PCDH9: variants seen among roughly 807,000 people sequenced by gnomAD.
The protein encoded by PCDH9 is protocadherin 9.
Under a neutral mutation model 70.6 loss-of-function variants are expected in PCDH9, and 24 were observed. The observed-to-expected ratio is 0.34, with a 90% CI of 0.25 to 0.48. PCDH9 has a LOEUF of 0.48. Among genes scored for constraint, PCDH9 ranks in the 20% least tolerant of loss-of-function variants. The pLI is 0.99. For synonymous variants in PCDH9, 562 were observed against 558.5 expected (o/e 1.01, Z -0.09); for missense variants, 1,281 against 1,503.6 (o/e 0.85, Z 2.45).
At chr13:67,157,437 AG>A (rs1286289202) in intron 2 of PCDH9, among the ~76,000 whole-genome samples, 3 of 152,228 alleles carry the variant, frequency 2.0e-5, no homozygotes, top group Non-Finnish European at 4.4e-5. Context: ...AATTATACTA[AG>A]GGCAAGTTTA....
At chr13:66,988,761 G>A (rs574654518) in intron 2 of PCDH9, among the ~76,000 whole-genome samples, 9 of 152,016 alleles carry the variant, frequency 5.9e-5, no homozygotes, top group East Asian at 3.9e-4. Flanking sequence ...AGAAATGAAC[G>A]TCTAGAACTA....
intron 4 of PCDH9, among the ~76,000 whole-genome samples, chr13:66,426,761 T>A (rs971123105): frequency 2.6e-5 from 4 of 151,738 alleles, no homozygotes; most frequent in Admixed American, 2.6e-4. Context: ...GAAACATGCA[T>A]CCTTTACTAT....
At chr13:66,664,218 C>T (rs1163037413) in intron 3 of PCDH9, among the ~76,000 whole-genome samples, 1 of 152,212 alleles carries the variant, frequency 6.6e-6, no homozygotes, top group African/African-American at 2.4e-5. Flanking sequence ...TGCCTACTTA[C>T]ACAATTATGC....
chr13:66,388,152 A>G (rs1395440898), intron 4 of PCDH9, among the ~76,000 whole-genome samples: 2 of 152,168 alleles, frequency 1.3e-5, no homozygotes, highest in African/African-American at 4.8e-5. Context: ...CAAAGTAAAG[A>G]TATATTTCCC....
chr13:66,658,259 G>C (rs1026658034), intron 3 of PCDH9, among the ~76,000 whole-genome samples: 1 of 152,068 alleles, frequency 6.6e-6, no homozygotes, highest in Non-Finnish European at 1.5e-5. Flanking sequence ...ATTACTTTGA[G>C]ATATGTTTAA....
chr13:67,209,929 A>G (rs1265820137), intron 2 of PCDH9: 1 of 152,124 alleles, frequency 6.6e-6, no homozygotes, highest in Non-Finnish European at 1.5e-5. Context: ...GAAACTGCCT[A>G]TAAAATCAGT....
At chr13:66,318,808 C>T (rs1345819842) in intron 4 of PCDH9, among the ~76,000 whole-genome samples, 1 of 151,992 alleles carries the variant, frequency 6.6e-6, no homozygotes, top group Non-Finnish European at 1.5e-5. Context: ...ATTTGCTTTC[C>T]CTTAACAATT....
intron 3 of PCDH9, among the ~76,000 whole-genome samples, chr13:66,759,708 G>C (rs897706373): frequency 3.0e-5 from 2 of 66,554 alleles, no homozygotes; most frequent in Admixed American, 1.7e-4. Context: ...ACATTTTATA[G>C]CTTATAAAAA....
At position 66,717,468 on chromosome 13, in the gene PCDH9, AAAAAAAAAAAAAATATATATATATAT is replaced by A. The variant is rs1345562334; in HGVS notation, c.3139-86083_3139-86058del. ...CTCTGTCTCAAAAAAAAAAAAAAAA[AAAAAAAAAAAAAATATATATATATAT>A]ATATATATATATATGTATATATGTA... On this transcript the variant is annotated intron_variant, in intron 3 of 4. Transcript: ENST00000377865. Among the ~76,000 whole-genome samples, 240 of 37,172 alleles carry A rather than the reference AAAAAAAAAAAAAATATATATATATAT, an allele frequency of 6.5e-3. 2 individuals carry two copies. Among genetic ancestry groups the A allele is most frequent in the Admixed American group, 0.012 (21 of 1,772 alleles). 24.4% of individuals were successfully genotyped at this position (37,172 alleles called of 152,430 possible).
chr13:66,768,367 T>C (rs557165506), intron 3 of PCDH9, among the ~76,000 whole-genome samples: 2 of 152,190 alleles, frequency 1.3e-5, no homozygotes, highest in Admixed American at 1.3e-4. Flanking sequence ...GCTTTTGAGG[T>C]AATCCAGTTC....
intron 4 of PCDH9, among the ~76,000 whole-genome samples, chr13:66,573,977 C>T (rs899457861): frequency 6.6e-6 from 1 of 152,104 alleles, no homozygotes; most frequent in African/African-American, 2.4e-5. Context: ...CATAGTAGGT[C>T]CATAAAATCC....
intron 2 of PCDH9, among the ~76,000 whole-genome samples, chr13:67,101,794 T>C (rs1226651989): frequency 6.6e-6 from 1 of 151,940 alleles, no homozygotes; most frequent in Non-Finnish European, 1.5e-5. Flanking sequence ...TCAAGTGACA[T>C]TGAGAAGAGG....
chr13:66,501,373 T>C (rs918193608), intron 4 of PCDH9, among the ~76,000 whole-genome samples: 3 of 152,134 alleles, frequency 2.0e-5, no homozygotes, highest in African/African-American at 7.2e-5. Flanking sequence ...GAATCATCAT[T>C]AAACATTTTG....
chr13:66,934,839 G>C (rs1275355624), intron 2 of PCDH9, among the ~76,000 whole-genome samples: 2 of 133,730 alleles, frequency 1.5e-5, no homozygotes, highest in African/African-American at 5.5e-5. Flanking sequence ...TCCTGCCTCA[G>C]CCTCCCGAGT....
chr13:66,699,733 C>T (rs764622736), intron 3 of PCDH9, among the ~76,000 whole-genome samples: 4 of 152,164 alleles, frequency 2.6e-5, no homozygotes, highest in African/African-American at 7.2e-5. Context: ...ATAAATTTCT[C>T]GCAATAAATT....
At chr13:66,335,128 A>G (rs1423367172) in intron 4 of PCDH9, among the ~76,000 whole-genome samples, 1 of 152,140 alleles carries the variant, frequency 6.6e-6, no homozygotes, top group Non-Finnish European at 1.5e-5. Flanking sequence ...CATACACTAC[A>G]GAAATCCTTA....
At chr13:66,370,864 G>C (rs1392668048) in intron 4 of PCDH9, among the ~76,000 whole-genome samples, 1 of 151,872 alleles carries the variant, frequency 6.6e-6, no homozygotes, top group Non-Finnish European at 1.5e-5. Context: ...TTTACCTAGT[G>C]TCTATTATGA....
chr13:66,376,186 A>T lies in PCDH9; in HGVS notation c.3341-71158T>A, dbSNP rs974631055. 3.3e-5 allele frequency among the ~76,000 whole-genome samples: 5 copies of T among 152,112 alleles called. No individual in the cohort carries two copies. In the South Asian group the frequency reaches 1.0e-3, roughly 32 times the overall value. The stretch of plus-strand genomic sequence containing the variant: ...AGCACCTTAACCCATATCATAATAC[A>T]GTGGAGGGTCACTAAACTGTCACCT... On this transcript the variant is annotated intron_variant, in intron 4 of 4. Transcript: ENST00000377865.
chr13:67,127,374 A>T (rs2087002450), intron 2 of PCDH9, among the ~76,000 whole-genome samples: 1 of 152,038 alleles, frequency 6.6e-6, no homozygotes, highest in African/African-American at 2.4e-5. Flanking sequence ...CATTGCAGGG[A>T]TGGGGATCTG....
Sources: gnomAD v4.1 joint callset for allele counts (sites outside exome capture counted in the v4.1 genomes callset) on GRCh38, gnomAD v4.1.1 for gene constraint, MANE v1.5 for transcripts, NCBI Gene and HGNC (gene_info 2026-07-23, HGNC 2026-07-21) for gene names.